The following RERE variants were observed in gnomAD, a reference collection of about 807,000 sequenced individuals.
RERE encodes arginine-glutamic acid dipeptide repeats.
In RERE, 40 loss-of-function variants were observed where a neutral mutation model predicts 146.1. The ratio of observed to expected loss-of-function variants is 0.27; its 90% CI spans 0.21 to 0.36. The LOEUF (loss-of-function observed/expected upper bound fraction) is 0.36, where lower values mean the gene tolerates loss of function less well. Among genes scored for constraint, RERE ranks in the 10% least tolerant of loss-of-function variants. RERE has a pLI of 1.00. For synonymous variants in RERE, 1,003 were observed against 866.0 expected, an observed-to-expected ratio of 1.16 and a Z score of -2.78; for missense variants, 1,933 against 2,138.7, an observed-to-expected ratio of 0.90 and a Z score of 1.90.
At chr1:8,450,517 T>C (rs301814) in intron 11 of RERE, among the ~76,000 whole-genome samples, 87,979 of 151,784 alleles carry the variant, frequency 0.58, 26,179 homozygotes, top group East Asian at 0.83. Context: ...GAAGCTCACC[T>C]TAGCAAATCC....
At chr1:8,577,463 T>A (rs1646310201) in intron 4 of RERE, among the ~76,000 whole-genome samples, 1 of 152,192 alleles carries the variant, frequency 6.6e-6, no homozygotes. Flanking sequence ...CAAGCCTGTA[T>A]AATTACAGTT....
chr1:8,778,048 TAATAAG>T, intron 1 of RERE, among the ~76,000 whole-genome samples: 1 of 152,262 alleles, frequency 6.6e-6, no homozygotes, highest in South Asian at 2.1e-4. Flanking sequence ...TTATTAGAAG[TAATAAG>T]AATACAGCAG....
At chr1:8,481,740 G>A (rs1644836882) in intron 10 of RERE, among the ~76,000 whole-genome samples, 2 of 152,128 alleles carry the variant, frequency 1.3e-5, no homozygotes, top group South Asian at 2.1e-4. Flanking sequence ...AAAATTCAGT[G>A]GAAAAGCTCA....
Position 8,565,074 on chromosome 1 carries a change from G to A in RERE, c.523-7551C>T, listed in dbSNP as rs190268054. ...AAGTGGTTACAGAGGCTGGGCAGTG[G>A]GGGGAATGGGGAGCTAATGCTCAAA... is the stretch of plus-strand genomic sequence containing the variant. On this transcript the variant is annotated intron_variant, in intron 4 of 22. Transcript: ENST00000400908. 5.9e-5 allele frequency among the ~76,000 whole-genome samples: 9 copies of A among 152,122 alleles called. No individual in the cohort carries two copies. In the East Asian group the frequency reaches 1.5e-3, roughly 26 times the overall value.
chr1:8,768,028 G>A (rs191156611), intron 1 of RERE, among the ~76,000 whole-genome samples: 81 of 152,162 alleles, frequency 5.3e-4, no homozygotes, highest in Non-Finnish European at 6.8e-4. Context: ...GAGAAAAGAC[G>A]AGCTACGTGG....
At chr1:8,754,657 C>G (rs530600494) in intron 1 of RERE, among the ~76,000 whole-genome samples, 2 of 152,294 alleles carry the variant, frequency 1.3e-5, no homozygotes, top group African/African-American at 4.8e-5. Flanking sequence ...ATCTATGGTT[C>G]TCCAATTATG....
chr1:8,586,556 C>T (rs1227096342), intron 4 of RERE, among the ~76,000 whole-genome samples: 1 of 152,134 alleles, frequency 6.6e-6, no homozygotes, highest in Non-Finnish European at 1.5e-5. Flanking sequence ...AAAGCTATGG[C>T]AACCACAGAA....
chr1:8,566,854 G>A (rs532292333), intron 4 of RERE, among the ~76,000 whole-genome samples: 6 of 150,362 alleles, frequency 4.0e-5, no homozygotes, highest in Admixed American at 3.3e-4. Flanking sequence ...GCAGTGGTGC[G>A]ATCTCGGCTC....
Position 8,360,415 on chromosome 1 carries a change from T to TG in RERE, c.3091dup (p.Gln1031ProfsTer72). 1.9e-6 allele frequency: 1 copy of TG among 540,510 alleles called. No individual in the cohort carries two copies. The highest frequency in any genetic ancestry group is 2.1e-6 in the Non-Finnish European group (1 of 468,730). 33.5% of individuals were successfully genotyped at this position (540,510 alleles called of 1,614,324 possible). On this transcript the variant is annotated frameshift_variant, in exon 18 of 23. Coordinates refer to ENST00000400908, the MANE Select transcript of RERE (RefSeq NM_001042681.2). LOFTEE classifies it high-confidence loss of function. ...AAAGGGGTGCTGAGCAAACGGGGGT[T>TG]GGGGGGCCACCTGGTGGAGGCCTGT...
chr1:8,722,044 G>A (rs1236321079), intron 1 of RERE, among the ~76,000 whole-genome samples: 1 of 152,136 alleles, frequency 6.6e-6, no homozygotes, highest in African/African-American at 2.4e-5. Context: ...GCTTTCTTCA[G>A]CCCTTTTTCT....
chr1:8,586,259 T>C (rs17386448), intron 4 of RERE, among the ~76,000 whole-genome samples: 20,539 of 152,220 alleles, frequency 0.13, 1,949 homozygotes, highest in Non-Finnish European at 0.2. Context: ...TGTACAGACA[T>C]CTACACCTGG....
At chr1:8,704,359 A>G (rs74050275) in intron 1 of RERE, among the ~76,000 whole-genome samples, 4,032 of 152,322 alleles carry the variant, frequency 0.026, 164 homozygotes, top group African/African-American at 0.091. Flanking sequence ...TCTAACTATT[A>G]AGTTCACTCA....
At position 8,353,794 on chromosome 1, in the gene RERE, T is replaced by A. The variant is rs1236769314; in HGVS notation, c.*1293A>T. 6.6e-6 allele frequency: 1 copy of A among 152,332 alleles called. No individual in the cohort carries two copies. Among genetic ancestry groups the A allele is most frequent in the East Asian group, 1.9e-4 (1 of 5,196 alleles). 9.4% of individuals were successfully genotyped at this position (152,332 alleles called of 1,614,324 possible). ...TTACCAGTGCAATGTGGGGTCACCA[T>A]GCAGACCTGCCCCTAGGGTAAAATA... On this transcript the variant is annotated 3_prime_UTR_variant, in exon 23 of 23. Transcript: ENST00000400908.
At chr1:8,474,926 T>C (rs553365900) in intron 10 of RERE, among the ~76,000 whole-genome samples, 16 of 152,320 alleles carry the variant, frequency 1.1e-4, no homozygotes, top group Admixed American at 3.9e-4. Flanking sequence ...ATGCAAAATA[T>C]CTGTTTATAC....
chr1:8,393,306 A>G (rs760739684), intron 12 of RERE, among the ~76,000 whole-genome samples: 3 of 152,244 alleles, frequency 2.0e-5, no homozygotes, highest in Non-Finnish European at 2.9e-5. Context: ...ATCAAGGGTA[A>G]TAAATGCCAA....
chr1:8,577,100 C>T (rs1384109873), intron 4 of RERE, among the ~76,000 whole-genome samples: 1 of 150,520 alleles, frequency 6.6e-6, no homozygotes, highest in Non-Finnish European at 1.5e-5. Flanking sequence ...ACCCGGGAGG[C>T]GGAGGTTGCA....
chr1:8,444,905 C>A (rs1201943968), intron 11 of RERE, among the ~76,000 whole-genome samples: 1 of 149,284 alleles, frequency 6.7e-6, no homozygotes, highest in Non-Finnish European at 1.5e-5. Context: ...GCCAATTAAA[C>A]CTCTTTTCTT....
chr1:8,355,521 G>A lies in RERE; in HGVS notation c.4565C>T (p.Ala1522Val), dbSNP rs1396590790. Reference sequence around the variant, plus strand: ...CAGTCTCTGCAGCTCGGCCGACTGGGCATGCATGGCCTGCAGCTGGTGGGC... The same window carrying A: ...CAGTCTCTGCAGCTCGGCCGACTGGACATGCATGGCCTGCAGCTGGTGGGC... ...SAAHQLQAMH[A>V]QSAELQRLAM... Residue 1522 changes from alanine (A) to valine (V), a missense_variant, in exon 22 of 23, where the codon GCC (alanine) becomes GTC (valine). Physicochemically the swap from Ala to Val is moderately conservative, Grantham distance 64 (BLOSUM62 0). This residue lies in a region of RERE where 133 missense variants were observed against 168.6 expected (regional missense o/e 0.79). Coordinates refer to ENST00000400908, the MANE Select transcript of RERE (RefSeq NM_001042681.2). The A allele has an allele frequency of 1.2e-6, 2 of 1,611,154 alleles. No homozygotes were observed. Among genetic ancestry groups the A allele is most frequent in the Non-Finnish European group, 1.7e-6 (2 of 1,179,104 alleles).
intron 1 of RERE, among the ~76,000 whole-genome samples, chr1:8,806,230 T>C (rs1641690182): frequency 6.6e-6 from 1 of 152,186 alleles, no homozygotes; most frequent in Non-Finnish European, 1.5e-5. Flanking sequence ...ATAAAATTGT[T>C]ATTATCAATA....
Sources: gnomAD v4.1 joint callset for allele counts (sites outside exome capture counted in the v4.1 genomes callset) on GRCh38, gnomAD v4.1.1 for gene constraint, gnomAD v4.1.1 regional missense constraint, MANE v1.5 for transcripts, NCBI Gene and HGNC (gene_info 2026-07-23, HGNC 2026-07-21) for gene names.